The following ANKMY1 variants were observed in gnomAD, a reference collection of about 807,000 sequenced individuals.
ANKMY1 encodes the protein ankyrin repeat and MYND domain-containing protein 1.
In ANKMY1, 98 loss-of-function variants were observed where a neutral mutation model predicts 102.0. The observed-to-expected ratio is 0.96, with a 90% CI of 0.82 to 1.14. The LOEUF (loss-of-function observed/expected upper bound fraction) is 1.14, where lower values mean the gene tolerates loss of function less well. Ranked by LOEUF, ANKMY1 falls within the 50% of genes most tolerant of loss-of-function variation. The pLI is 0.00. For synonymous variants in ANKMY1, 582 were observed against 559.9 expected (o/e 1.04, Z -0.56); for missense variants, 1,330 against 1,347.6 (o/e 0.99, Z 0.20).
chr2:240,521,457 C>A (rs1035933859), intron 8 of ANKMY1, among the ~76,000 whole-genome samples: 4 of 137,498 alleles, frequency 2.9e-5, no homozygotes, highest in Admixed American at 7.3e-5. Flanking sequence ...TCGCTGACTT[C>A]AAGAATGAAG....
intron 4 of ANKMY1, among the ~76,000 whole-genome samples, chr2:240,533,194 T>C (rs549270626): frequency 6.6e-6 from 1 of 152,206 alleles, no homozygotes; most frequent in African/African-American, 2.4e-5. Flanking sequence ...AGAAAAAGAG[T>C]GTATAACTTT....
chr2:240,473,245 T>C, the ANKMY1 span, among the ~76,000 whole-genome samples: 1 of 139,134 alleles, frequency 7.2e-6, no homozygotes, highest in Non-Finnish European at 1.6e-5. Context: ...TTAAAAAAAC[T>C]CAATAACATG....
intron 13 of ANKMY1, among the ~76,000 whole-genome samples, chr2:240,501,981 G>A (rs2078267318): frequency 6.6e-6 from 1 of 152,216 alleles, no homozygotes; most frequent in Non-Finnish European, 1.5e-5. Flanking sequence ...AGTCCCATGA[G>A]TCGGTTCCCT....
chr2:240,559,134 A>G (rs556380748), upstream of ANKMY1, among the ~76,000 whole-genome samples: 1 of 152,160 alleles, frequency 6.6e-6, no homozygotes, highest in Non-Finnish European at 1.5e-5. Context: ...GCCCAGACTA[A>G]GTGTGGCAAT....
rs755362771 is a variant in ANKMY1 at position 240,482,232 on chromosome 2, TC to T, written c.2835del (p.Lys946ArgfsTer12). ...RAELIPSHRMKKKGPSLPRGL... is the reference protein window; with the variant it reads ...RAELIPSHRMXKKGPSLPRGL... Reference sequence around the variant, plus strand: ...CCCCTGGGCAGGCTGGGGCCCTTCTTCTTCATCCTGTGGCTGGGGATCAGCT... The same window carrying T: ...CCCCTGGGCAGGCTGGGGCCCTTCTTTTCATCCTGTGGCTGGGGATCAGCT... On this transcript the variant is annotated frameshift_variant, in exon 16 of 18. Transcript: ENST00000401804. LOFTEE classifies it high-confidence loss of function. The T allele has an allele frequency of 6.2e-7, 1 of 1,612,844 alleles. No individual in the cohort carries two copies. Among genetic ancestry groups the T allele is most frequent in the Non-Finnish European group, 8.5e-7 (1 of 1,179,438 alleles).
intron 4 of ANKMY1, among the ~76,000 whole-genome samples, chr2:240,549,458 C>G (rs932511202): frequency 6.6e-6 from 1 of 152,156 alleles, no homozygotes; most frequent in Non-Finnish European, 1.5e-5. Context: ...GCATGGGCAA[C>G]GACTTCATGT....
chr2:240,503,275 T>C (rs1225363050), intron 13 of ANKMY1, among the ~76,000 whole-genome samples: 1 of 152,176 alleles, frequency 6.6e-6, no homozygotes, highest in African/African-American at 2.4e-5. Flanking sequence ...GCCCCATATC[T>C]CAGCAGAGGC....
chr2:240,485,275 C>G (rs2075910797), intron 15 of ANKMY1, among the ~76,000 whole-genome samples: 1 of 151,456 alleles, frequency 6.6e-6, no homozygotes, highest in Non-Finnish European at 1.5e-5. Context: ...TTGCAGTGAG[C>G]CGAGATCGCG....
At chr2:240,488,008 G>T (rs75451422) in intron 15 of ANKMY1, among the ~76,000 whole-genome samples, 1 of 152,046 alleles carries the variant, frequency 6.6e-6, no homozygotes, top group Non-Finnish European at 1.5e-5. Flanking sequence ...TTTTGGTTTT[G>T]TTGCCTGTGT....
At chr2:240,556,210 C>G (rs568120704) in intron 2 of ANKMY1, among the ~76,000 whole-genome samples, 1 of 152,256 alleles carries the variant, frequency 6.6e-6, no homozygotes, top group East Asian at 1.9e-4. Context: ...GGGAAAAGGG[C>G]TTGTGGGGTG....
At chr2:240,550,228 T>C (rs552039185) in intron 4 of ANKMY1, among the ~76,000 whole-genome samples, 3 of 151,616 alleles carry the variant, frequency 2.0e-5, no homozygotes, top group Admixed American at 6.6e-5. Context: ...ATGGATGAAA[T>C]TGGAAATCAT....
chr2:240,551,888 T>TC (rs2091590872), intron 4 of ANKMY1, among the ~76,000 whole-genome samples: 1 of 150,990 alleles, frequency 6.6e-6, no homozygotes, highest in Non-Finnish European at 1.5e-5. Flanking sequence ...TAAATTTGTT[T>TC]TATCTGAGTT....
In ANKMY1 at chr2:240,499,190, G is replaced by A. The variant is rs142987636; in HGVS notation, c.2806+768C>T. On this transcript the variant is annotated intron_variant, in intron 15 of 17. Transcript: ENST00000401804. This position sits in a 1 kb window ranked among gnomAD's most constrained non-coding sequence, Gnocchi z 4.2. Reference sequence around the variant, plus strand: ...TGTGGGGGCGGGATCAGCAGGTTCCGGTGTGTGTGTGCACACACGTGTTAA... The same window carrying A: ...TGTGGGGGCGGGATCAGCAGGTTCCAGTGTGTGTGTGCACACACGTGTTAA... 8.3e-3 allele frequency among the ~76,000 whole-genome samples: 1,259 copies of A among 152,158 alleles called. 13 individuals are homozygous for A. Among genetic ancestry groups the A allele is most frequent in the Non-Finnish European group, 0.013 (856 of 67,992 alleles).
chr2:240,536,493 G>A (rs4676351), intron 4 of ANKMY1, among the ~76,000 whole-genome samples: 147,932 of 152,304 alleles, frequency 0.97, 71,877 homozygotes, highest in East Asian at 1. Flanking sequence ...TCAGGCCACA[G>A]TGCAATGCCA....
At chr2:240,509,597 G>A in intron 11 of ANKMY1, 142 bp from the exon 12 acceptor site, 1 of 627,508 alleles carries the variant, frequency 1.6e-6, no homozygotes, top group Non-Finnish European at 2.8e-6. Flanking sequence ...CCTGACACAA[G>A]GTGTTCAAAA....
chr2:240,526,773 G>T (rs1388716510), intron 5 of ANKMY1: 1 of 1,257,300 alleles, frequency 8.0e-7, no homozygotes, highest in East Asian at 4.3e-5. Flanking sequence ...AACAGCAAAG[G>T]CCCTGGGTAG....
intron 10 of ANKMY1, 137 bp from the exon 11 acceptor site, chr2:240,512,138 C>A: frequency 8.9e-7 from 1 of 1,118,204 alleles, no homozygotes; most frequent in Non-Finnish European, 1.2e-6. Context: ...AAGGCGGATG[C>A]CTGACTTTGT....
chr2:240,489,357 G>A (rs1200756377), intron 15 of ANKMY1, among the ~76,000 whole-genome samples: 1 of 152,076 alleles, frequency 6.6e-6, no homozygotes, highest in Non-Finnish European at 1.5e-5. Flanking sequence ...TCTGGAAGCT[G>A]AGGCAGGGAG....
At position 240,542,664 on chromosome 2, in the gene ANKMY1, G is replaced by C. The variant is rs182817903; in HGVS notation, c.480+10250C>G. The stretch of plus-strand genomic sequence containing the variant: ...GCTATCTCACGGAGTTCCAAGGTAA[G>C]AGCTATTGAATCTTTGTATCTGTGT... On this transcript the variant is annotated intron_variant, in intron 4 of 17. Coordinates refer to ENST00000401804, the MANE Select transcript of ANKMY1 (RefSeq NM_001282771.3). Among the ~76,000 whole-genome samples, 742 of 151,562 alleles carry C rather than the reference G, an allele frequency of 4.9e-3. 11 individuals are homozygous for C. The highest frequency in any genetic ancestry group is 0.017 in the African/African-American group (693 of 41,390).
Sources: gnomAD v4.1 joint callset for allele counts (sites outside exome capture counted in the v4.1 genomes callset) on GRCh38, gnomAD v4.1.1 for gene constraint, Gnocchi (gnomAD v3.1) non-coding constraint, MANE v1.5 for transcripts, NCBI Gene and HGNC (gene_info 2026-07-23, HGNC 2026-07-21) for gene names.